Variants in LRRC28 observed in about 807,000 individuals in gnomAD.
LRRC28 encodes leucine-rich repeat-containing protein 28.
In LRRC28, 39 loss-of-function variants were observed where a neutral mutation model predicts 45.7. The ratio of observed to expected loss-of-function variants is 0.85; its 90% CI spans 0.66 to 1.12. The LOEUF is 1.12. LRRC28 is among the 50% of genes most tolerant of loss of function. The pLI is 0.00. For synonymous variants in LRRC28, 206 were observed against 178.8 expected (o/e 1.15, Z -1.22); for missense variants, 435 against 438.5 (o/e 0.99, Z 0.07).
At chr15:99,266,198 T>G (rs2081328433) in intron 2 of LRRC28, among the ~76,000 whole-genome samples, 2 of 152,208 alleles carry the variant, frequency 1.3e-5, no homozygotes, top group African/African-American at 4.8e-5. Context: ...GGCACAGATG[T>G]TCTTTCTTTC....
chr15:99,330,623 A>G (rs1387917974), intron 5 of LRRC28, among the ~76,000 whole-genome samples: 1 of 152,012 alleles, frequency 6.6e-6, no homozygotes, highest in Non-Finnish European at 1.5e-5. Flanking sequence ...TTTGAATCTA[A>G]AGTGTATTTC....
At chr15:99,328,189 C>A (rs1166833092) in intron 5 of LRRC28, among the ~76,000 whole-genome samples, 1 of 152,186 alleles carries the variant, frequency 6.6e-6, no homozygotes, top group East Asian at 1.9e-4. Context: ...CTGTAGTGTT[C>A]TTCTTAGATG....
At chr15:99,365,404 A>C (rs1957312881) in intron 9 of LRRC28, among the ~76,000 whole-genome samples, 1 of 152,206 alleles carries the variant, frequency 6.6e-6, no homozygotes, top group African/African-American at 2.4e-5. Context: ...TTTCTGTGGG[A>C]AGTTAATGGT....
intron 6 of LRRC28, among the ~76,000 whole-genome samples, chr15:99,343,071 G>A (rs1956568753): frequency 6.6e-6 from 1 of 152,104 alleles, no homozygotes; most frequent in African/African-American, 2.4e-5. Context: ...TTACTAAGAA[G>A]CCCACATTTT....
At position 99,282,180 on chromosome 15, in the gene LRRC28, T is replaced by TTTTTTTTTG. The variant is rs1386961692; in HGVS notation, c.210-5069_210-5068insGTTTTTTTT. On this transcript the variant is annotated intron_variant, in intron 3 of 9. Coordinates refer to ENST00000301981, the MANE Select transcript of LRRC28 (RefSeq NM_144598.5). Reference sequence around the variant, plus strand: ...TTCCTTATGCAAATTTTTGGAGGTTTTTTTTTTTTTTGTAGCAGTAGCTCT... The same window carrying TTTTTTTTTG: ...TTCCTTATGCAAATTTTTGGAGGTTTTTTTTTTTGTTTTTTTTTTTGTAGCAGTAGCTCT... 1.5e-5 allele frequency among the ~76,000 whole-genome samples: 2 copies of TTTTTTTTTG among 136,664 alleles called. 1 individual carries two copies. Among genetic ancestry groups the TTTTTTTTTG allele is most frequent in the African/African-American group, 5.6e-5 (2 of 35,654 alleles). The allele number at this position is 136,664 out of a possible 152,430, so 89.7% of individuals were successfully genotyped here.
chr15:99,277,728 G>A (rs931759985), intron 3 of LRRC28, among the ~76,000 whole-genome samples: 1 of 152,068 alleles, frequency 6.6e-6, no homozygotes, highest in Non-Finnish European at 1.5e-5. Flanking sequence ...ATGTATATGT[G>A]TATTTATTAT....
At chr15:99,339,223 C>T (rs1341260879) in intron 6 of LRRC28, among the ~76,000 whole-genome samples, 1 of 152,102 alleles carries the variant, frequency 6.6e-6, no homozygotes, top group Non-Finnish European at 1.5e-5. Context: ...GTCCAATTAT[C>T]CAGGCGTGTT....
At chr15:99,313,442 C>G (rs1388856100) in intron 5 of LRRC28, among the ~76,000 whole-genome samples, 1 of 151,988 alleles carries the variant, frequency 6.6e-6, no homozygotes, top group Non-Finnish European at 1.5e-5. Context: ...AGGTAACTCT[C>G]CACTCAACAC....
intron 7 of LRRC28, among the ~76,000 whole-genome samples, chr15:99,353,275 A>G (rs1314575252): frequency 1.3e-5 from 2 of 152,158 alleles, no homozygotes; most frequent in African/African-American, 2.4e-5. Context: ...CTCCCCTTCT[A>G]GTCCCCATCA....
intron 9 of LRRC28, among the ~76,000 whole-genome samples, chr15:99,379,613 A>G (rs1278561315): frequency 3.3e-5 from 5 of 151,852 alleles, no homozygotes; most frequent in African/African-American, 1.2e-4. Flanking sequence ...TGCTTCTCTA[A>G]TTCTTTTAAT....
Position 99,276,619 on chromosome 15 carries a change from G to A in LRRC28, c.209+3G>A, listed in dbSNP as rs373095530. 7 of 1,515,006 alleles carry A rather than the reference G, an allele frequency of 4.6e-6. No homozygotes were observed. Among genetic ancestry groups the A allele is most frequent in the Non-Finnish European group, 6.2e-6 (7 of 1,135,438 alleles). The allele number at this position is 1,515,006 out of a possible 1,614,324, so 93.8% of individuals were successfully genotyped here. A position where few individuals can be genotyped will look rare whatever the true frequency, so the allele number is the denominator to read the frequency against. ...AAGCTTCCAAACCTTGTGGAACTGTGAGTCTGTTTATTCAAATTTTTTAAA... is the reference window on the plus strand; with the variant it reads ...AAGCTTCCAAACCTTGTGGAACTGTAAGTCTGTTTATTCAAATTTTTTAAA... On this transcript the variant is annotated splice_donor_region_variant and intron_variant, in intron 3 of 9. Transcript: ENST00000301981.
At chr15:99,337,943 C>T (rs1166414295) in intron 6 of LRRC28, 1 of 152,316 alleles carries the variant, frequency 6.6e-6, no homozygotes, top group East Asian at 1.9e-4. Flanking sequence ...CAATGCTCTG[C>T]CCTGGTCTAA....
At chr15:99,309,590 G>T (rs560709857) in intron 5 of LRRC28, among the ~76,000 whole-genome samples, 1 of 152,066 alleles carries the variant, frequency 6.6e-6, no homozygotes, top group African/African-American at 2.4e-5. Context: ...TGTATTTTTA[G>T]TAGAGACGCG....
chr15:99,361,543 T>C, intron 8 of LRRC28, 32 bp downstream of exon 8: 1 of 1,551,192 alleles, frequency 6.4e-7, no homozygotes, highest in Non-Finnish European at 8.7e-7. Flanking sequence ...CTTATTTTTC[T>C]CTCTCATTTA....
At chr15:99,262,707 G>A (rs554745947) in intron 2 of LRRC28, among the ~76,000 whole-genome samples, 44 of 152,172 alleles carry the variant, frequency 2.9e-4, no homozygotes, top group African/African-American at 1.0e-3. Context: ...ACAGTGGCAT[G>A]ATCCTGGCTC....
At chr15:99,381,485 C>T (rs1390317547) in intron 9 of LRRC28, among the ~76,000 whole-genome samples, 4 of 152,208 alleles carry the variant, frequency 2.6e-5, no homozygotes, top group African/African-American at 9.6e-5. Context: ...GAACTTCCTC[C>T]TTTAGCTTGG....
intron 9 of LRRC28, among the ~76,000 whole-genome samples, chr15:99,385,195 G>A (rs1184287868): frequency 2.0e-5 from 3 of 152,156 alleles, no homozygotes; most frequent in Admixed American, 6.5e-5. Flanking sequence ...GCCCCCTGCT[G>A]GTGCCTCCTG....
chr15:99,350,519 G>T (rs903305948), intron 6 of LRRC28, among the ~76,000 whole-genome samples: 1 of 152,190 alleles, frequency 6.6e-6, no homozygotes, highest in Admixed American at 6.5e-5. Flanking sequence ...TGATCGTATT[G>T]TATTACAGTT....
In LRRC28 at chr15:99,334,478, G is replaced by T. The variant is rs529151821; in HGVS notation, c.592+349G>T. 2.0e-5 allele frequency among the ~76,000 whole-genome samples: 3 copies of T among 151,556 alleles called. No homozygotes were observed. The East Asian group carries it at 5.8e-4, about 29-fold the overall frequency. On this transcript the variant is annotated intron_variant, in intron 6 of 9. Transcript: ENST00000301981. Reference sequence around the variant, plus strand: ...AATATGAAAAGATAGCTAGCTACGGGTCTTAAGTATTGGCTTAGATGTTGA... The same window carrying T: ...AATATGAAAAGATAGCTAGCTACGGTTCTTAAGTATTGGCTTAGATGTTGA...
Sources: gnomAD v4.1 joint callset for allele counts (sites outside exome capture counted in the v4.1 genomes callset) on GRCh38, gnomAD v4.1.1 for gene constraint, MANE v1.5 for transcripts, NCBI Gene and HGNC (gene_info 2026-07-23, HGNC 2026-07-21) for gene names.